Variants in HS6ST3 observed in about 807,000 individuals in gnomAD.
HS6ST3 encodes the protein heparan sulfate 6-O-sulfotransferase 3, also known as heparan-sulfate 6-O-sulfotransferase 3.
Under a neutral mutation model 36.7 loss-of-function variants are expected in HS6ST3, and 12 were observed. The observed-to-expected ratio is 0.33, with a 90% CI of 0.21 to 0.53. HS6ST3 has a LOEUF of 0.53. Among genes scored for constraint, HS6ST3 ranks in the 20% least tolerant of loss-of-function variants. The pLI is 0.95. For synonymous variants in HS6ST3, 240 were observed against 257.5 expected (o/e 0.93, Z 0.65); for missense variants, 584 against 640.9 (o/e 0.91, Z 0.96).
At chr13:96,727,126 C>T (rs542372387) in intron 1 of HS6ST3, among the ~76,000 whole-genome samples, 3 of 152,076 alleles carry the variant, frequency 2.0e-5, no homozygotes, top group Non-Finnish European at 4.4e-5. Flanking sequence ...TTACTCAGCA[C>T]CTAATATTAT....
intron 1 of HS6ST3, among the ~76,000 whole-genome samples, chr13:96,213,333 C>G (rs1190469037): frequency 6.6e-6 from 1 of 152,082 alleles, no homozygotes; most frequent in Non-Finnish European, 1.5e-5. Flanking sequence ...CCCTGTGTTC[C>G]TTTGCTTTTT....
chr13:96,589,067 A>T (rs1248498783), intron 1 of HS6ST3, among the ~76,000 whole-genome samples: 4 of 151,936 alleles, frequency 2.6e-5, no homozygotes, highest in African/African-American at 9.7e-5. Flanking sequence ...AAAAAAAAAA[A>T]AAAAAAAGCT....
intron 1 of HS6ST3, among the ~76,000 whole-genome samples, chr13:96,567,032 G>A (rs2056283836): frequency 6.6e-6 from 1 of 152,040 alleles, no homozygotes; most frequent in African/African-American, 2.4e-5. Context: ...CTGAAAAAAT[G>A]TACATATAGT....
intron 1 of HS6ST3, among the ~76,000 whole-genome samples, chr13:96,110,394 T>C (rs2053862218): frequency 6.7e-6 from 1 of 149,766 alleles, no homozygotes; most frequent in South Asian, 2.2e-4. Context: ...GGCCTCACCT[T>C]GAACATAGGG....
intron 1 of HS6ST3, among the ~76,000 whole-genome samples, chr13:96,518,106 A>G (rs192690108): frequency 6.6e-6 from 1 of 152,046 alleles, no homozygotes; most frequent in Non-Finnish European, 1.5e-5. Context: ...TGACACAGGA[A>G]TAGAAAGCCA....
chr13:96,134,591 ATTT>A (rs1360569746), intron 1 of HS6ST3, among the ~76,000 whole-genome samples: 1 of 151,700 alleles, frequency 6.6e-6, no homozygotes, highest in Non-Finnish European at 1.5e-5. Flanking sequence ...TTTCATGTTT[ATTT>A]ATTTATCTAT....
intron 1 of HS6ST3, among the ~76,000 whole-genome samples, chr13:96,703,419 A>C (rs915759923): frequency 6.6e-6 from 1 of 152,244 alleles, no homozygotes; most frequent in Non-Finnish European, 1.5e-5. Flanking sequence ...GGTGCATCCT[A>C]ATTAAAAATG....
At chr13:96,798,405 C>T (rs1877965515) in intron 1 of HS6ST3, among the ~76,000 whole-genome samples, 1 of 152,066 alleles carries the variant, frequency 6.6e-6, no homozygotes, top group Non-Finnish European at 1.5e-5. Context: ...GTGACCAGCT[C>T]CCATCTTGAA....
chr13:96,341,510 C>G (rs2055129992), intron 1 of HS6ST3, among the ~76,000 whole-genome samples: 1 of 152,076 alleles, frequency 6.6e-6, no homozygotes, highest in Admixed American at 6.5e-5. Flanking sequence ...CCAACTCTAA[C>G]AAATTCCCTA....
intron 1 of HS6ST3, among the ~76,000 whole-genome samples, chr13:96,101,297 G>A (rs2053817171): frequency 6.6e-6 from 1 of 152,122 alleles, no homozygotes; most frequent in Non-Finnish European, 1.5e-5. Context: ...TCTTCCAAGA[G>A]CATTAAAATT....
At chr13:96,449,406 C>T (rs1048489776) in intron 1 of HS6ST3, among the ~76,000 whole-genome samples, 8 of 152,192 alleles carry the variant, frequency 5.3e-5, no homozygotes, top group Admixed American at 2.6e-4. Flanking sequence ...AAATGTATCC[C>T]TCTGCTACCA....
chr13:96,274,672 G>A (rs901179804), intron 1 of HS6ST3, among the ~76,000 whole-genome samples: 2 of 152,080 alleles, frequency 1.3e-5, no homozygotes, highest in Non-Finnish European at 1.5e-5. Flanking sequence ...ACTAAGTAAA[G>A]CTAACTGACC....
At chr13:96,224,716 G>T (rs2054472065) in intron 1 of HS6ST3, among the ~76,000 whole-genome samples, 1 of 152,226 alleles carries the variant, frequency 6.6e-6, no homozygotes, top group South Asian at 2.1e-4. Context: ...AGGATAAAAG[G>T]AGACAGAGTT....
intron 1 of HS6ST3, among the ~76,000 whole-genome samples, chr13:96,214,694 A>T (rs2054415466): frequency 6.6e-6 from 1 of 152,184 alleles, no homozygotes; most frequent in Non-Finnish European, 1.5e-5. Flanking sequence ...TGCACATGTA[A>T]CCATATCGTA....
At chr13:96,226,039 T>A (rs1177155565) in intron 1 of HS6ST3, among the ~76,000 whole-genome samples, 2 of 152,162 alleles carry the variant, frequency 1.3e-5, no homozygotes, top group Admixed American at 1.3e-4. Flanking sequence ...GTGGGAATAA[T>A]CAGGTTTCAG....
intron 1 of HS6ST3, among the ~76,000 whole-genome samples, chr13:96,521,199 C>A (rs1408419455): frequency 6.6e-6 from 1 of 152,202 alleles, no homozygotes; most frequent in East Asian, 1.9e-4. Context: ...AGGGATGAAG[C>A]CAACTTGATT....
At chr13:96,735,375 A>G (rs541196623) in intron 1 of HS6ST3, among the ~76,000 whole-genome samples, 2 of 152,348 alleles carry the variant, frequency 1.3e-5, no homozygotes, top group East Asian at 3.9e-4. Context: ...ATCACAATGG[A>G]AAGTTATCAG....
chr13:96,367,801 C>T (rs2055270461), intron 1 of HS6ST3, among the ~76,000 whole-genome samples: 1 of 152,154 alleles, frequency 6.6e-6, no homozygotes, highest in South Asian at 2.1e-4. Flanking sequence ...AAGGGCTTGT[C>T]TTGAGAGCCA....
chr13:96,435,479 C>G (rs2055636930), intron 1 of HS6ST3, among the ~76,000 whole-genome samples: 1 of 152,206 alleles, frequency 6.6e-6, no homozygotes, highest in Non-Finnish European at 1.5e-5. Context: ...CCAGATCCCA[C>G]TGGACACTTA....
Sources: allele counts gnomAD v4.1 joint callset (sites outside exome capture counted in the v4.1 genomes callset), GRCh38; gene constraint gnomAD v4.1.1; transcripts MANE v1.5; gene names NCBI Gene and HGNC (gene_info 2026-07-23, HGNC 2026-07-21).